Variants in FARP1 observed in about 807,000 individuals in gnomAD.
FARP1 encodes FERM, ARH/RhoGEF and pleckstrin domain protein 1.
Under a neutral mutation model 128.8 loss-of-function variants are expected in FARP1, and 52 were observed. The ratio of observed to expected loss-of-function variants is 0.40; its 90% CI spans 0.32 to 0.51. FARP1 has a LOEUF of 0.51. Ranked by LOEUF, FARP1 falls within the 20% of genes least tolerant of loss-of-function variation. The pLI, the probability that FARP1 is intolerant of heterozygous loss-of-function variation, is 0.45. For synonymous variants in FARP1, 580 were observed against 551.8 expected, an observed-to-expected ratio of 1.05 and a Z score of -0.72; for missense variants, 1,333 against 1,367.9, an observed-to-expected ratio of 0.97 and a Z score of 0.40.
intron 2 of FARP1, among the ~76,000 whole-genome samples, chr13:98,304,060 G>A (rs1886031698): frequency 6.6e-6 from 1 of 152,166 alleles, no homozygotes; most frequent in Non-Finnish European, 1.5e-5. Flanking sequence ...GGGAAATGCA[G>A]CAATTATTAG....
At chr13:98,385,032 C>T (rs539869549) in intron 7 of FARP1, among the ~76,000 whole-genome samples, 188 bp downstream of exon 7, 2 of 152,128 alleles carry the variant, frequency 1.3e-5, no homozygotes, top group Non-Finnish European at 2.9e-5. Flanking sequence ...GCACAGGTCA[C>T]CCACTGAAGC....
chr13:98,383,759 T>C (rs182602047), intron 6 of FARP1: 166 of 152,338 alleles, frequency 1.1e-3, no homozygotes, highest in African/African-American at 3.8e-3. Flanking sequence ...AGTCTGATTT[T>C]AAAGCTCTAT....
At chr13:98,321,395 G>A (rs578261368) in intron 2 of FARP1, among the ~76,000 whole-genome samples, 9 of 152,312 alleles carry the variant, frequency 5.9e-5, no homozygotes, top group African/African-American at 1.9e-4. Context: ...TTAAACCCAC[G>A]CTTAGACAAA....
At chr13:98,365,156 G>A (rs1889032544) in intron 3 of FARP1, among the ~76,000 whole-genome samples, 1 of 152,192 alleles carries the variant, frequency 6.6e-6, no homozygotes, top group South Asian at 2.1e-4. Flanking sequence ...AGTTAACCAT[G>A]TGTATCTGAG....
intron 2 of FARP1, among the ~76,000 whole-genome samples, chr13:98,296,198 A>G (rs1006199006): frequency 6.6e-6 from 1 of 152,122 alleles, no homozygotes; most frequent in Non-Finnish European, 1.5e-5. Context: ...TTCCTCATCT[A>G]TAAACTCCCA....
At chr13:98,182,159 T>C (rs1184880035) in intron 1 of FARP1, among the ~76,000 whole-genome samples, 2 of 152,154 alleles carry the variant, frequency 1.3e-5, no homozygotes, top group South Asian at 4.1e-4. Flanking sequence ...TTTTACAGTG[T>C]GAAGGATTGT....
rs1045780946 is a variant in FARP1 at position 98,453,709 on chromosome 13, A to G, written c.*5392A>G. On this transcript the variant is annotated 3_prime_UTR_variant, in exon 27 of 27. Transcript: ENST00000319562. ...CAAAGATGTCTCTCGGGATTTTCGTAATTACACTAATTTGGAAACAACTCT... is the reference window on the plus strand; with the variant it reads ...CAAAGATGTCTCTCGGGATTTTCGTGATTACACTAATTTGGAAACAACTCT... 2 of 153,348 alleles carry G rather than the reference A, an allele frequency of 1.3e-5. No homozygotes were observed. Among genetic ancestry groups the G allele is most frequent in the African/African-American group, 4.8e-5 (2 of 41,468 alleles). The allele number at this position is 153,348 out of a possible 1,614,324, so 9.5% of individuals were successfully genotyped here.
chr13:98,193,176 G>C (rs1465930252), intron 1 of FARP1, among the ~76,000 whole-genome samples: 1 of 151,788 alleles, frequency 6.6e-6, no homozygotes, highest in Admixed American at 6.6e-5. Flanking sequence ...TTCTGCCTCA[G>C]CCTCCCAAGT....
intron 2 of FARP1, among the ~76,000 whole-genome samples, chr13:98,215,322 C>A (rs1880994095): frequency 6.6e-6 from 1 of 152,196 alleles, no homozygotes; most frequent in Non-Finnish European, 1.5e-5. Context: ...CTTAAAAGCC[C>A]TATCAGTTTT....
At chr13:98,428,647 GA>G (rs748056965) in intron 17 of FARP1, among the ~76,000 whole-genome samples, 10 of 152,200 alleles carry the variant, frequency 6.6e-5, no homozygotes, top group Non-Finnish European at 1.2e-4. Context: ...TGTCTCTCCA[GA>G]CCCTGCTCCC....
intron 1 of FARP1, among the ~76,000 whole-genome samples, chr13:98,209,496 T>TA (rs1880524398): frequency 2.1e-5 from 2 of 97,170 alleles, no homozygotes; most frequent in Non-Finnish European, 4.3e-5. Flanking sequence ...TTTTTTTTTT[T>TA]AAGGAAAATA....
At chr13:98,179,465 A>C (rs1291688007) in intron 1 of FARP1, among the ~76,000 whole-genome samples, 1 of 152,144 alleles carries the variant, frequency 6.6e-6, no homozygotes, top group Non-Finnish European at 1.5e-5. Context: ...TCTACAGAGA[A>C]GACTTATCTC....
chr13:98,397,659 C>T (rs1011981241), intron 13 of FARP1: 3 of 151,978 alleles, frequency 2.0e-5, no homozygotes, highest in African/African-American at 2.4e-5. Flanking sequence ...TTAGTGATGC[C>T]GGGACCCTGA....
chr13:98,380,332 C>T lies in FARP1; in HGVS notation c.496+2414C>T, dbSNP rs149185355. On this transcript the variant is annotated intron_variant, in intron 6 of 26. Coordinates refer to ENST00000319562, the MANE Select transcript of FARP1 (RefSeq NM_005766.4). ...TGTGGTGGCGGTGGGCGCCTGTAGT[C>T]CCAGCTACTTGGGAGGCTGAGCCAG... 3.1e-4 allele frequency among the ~76,000 whole-genome samples: 43 copies of T among 138,362 alleles called. 1 individual carries two copies. Among genetic ancestry groups the T allele is most frequent in the African/African-American group, 1.1e-3 (39 of 37,074 alleles). 90.8% of individuals were successfully genotyped at this position (138,362 alleles called of 152,430 possible). A position where few individuals can be genotyped will look rare whatever the true frequency, so the allele number is the denominator to read the frequency against.
In FARP1 at chr13:98,353,225, C is replaced by A. The variant is rs550878853; in HGVS notation, c.276+9359C>A. On this transcript the variant is annotated intron_variant, in intron 3 of 26. Transcript: ENST00000319562. ...AACACATTACAGACTTATGCAGTTACGATGAAACTCTGCATAGTGGTTACC... is the reference window on the plus strand; with the variant it reads ...AACACATTACAGACTTATGCAGTTAAGATGAAACTCTGCATAGTGGTTACC... Among the ~76,000 whole-genome samples, 4 of 152,132 alleles carry A rather than the reference C, an allele frequency of 2.6e-5. No individual in the cohort carries two copies. In the South Asian group the frequency reaches 8.3e-4, roughly 32 times the overall value.
chr13:98,306,456 A>G (rs976225196), intron 2 of FARP1, among the ~76,000 whole-genome samples: 4 of 152,228 alleles, frequency 2.6e-5, no homozygotes, highest in African/African-American at 9.6e-5. Flanking sequence ...GTTACAAACG[A>G]CAAGACTTAG....
intron 1 of FARP1, among the ~76,000 whole-genome samples, chr13:98,187,782 C>T (rs1878974894): frequency 6.6e-6 from 1 of 152,124 alleles, no homozygotes; most frequent in Admixed American, 6.5e-5. Flanking sequence ...GTGGAGAGGG[C>T]TGTTGGGGAC....
intron 2 of FARP1, among the ~76,000 whole-genome samples, chr13:98,289,212 G>A (rs1357450360): frequency 6.6e-6 from 1 of 151,984 alleles, no homozygotes; most frequent in Non-Finnish European, 1.5e-5. Context: ...ATGTGCTCAC[G>A]GACACATTAA....
At chr13:98,412,723 T>TG (rs1891237336) in intron 16 of FARP1, among the ~76,000 whole-genome samples, 1 of 152,216 alleles carries the variant, frequency 6.6e-6, no homozygotes, top group African/African-American at 2.4e-5. Context: ...AAAAGCTTTA[T>TG]GGACTGTCAC....
Sources: gnomAD v4.1 joint callset for allele counts (sites outside exome capture counted in the v4.1 genomes callset) on GRCh38, gnomAD v4.1.1 for gene constraint, MANE v1.5 for transcripts, NCBI Gene and HGNC (gene_info 2026-07-23, HGNC 2026-07-21) for gene names.